CEP112: variants seen among roughly 807,000 people sequenced by gnomAD.
CEP112 encodes the protein centrosomal protein 112, also known as centrosomal protein of 112 kDa.
A neutral mutation model predicts 153.0 loss-of-function variants in CEP112; 127 were observed. The ratio of observed to expected loss-of-function variants is 0.83; its 90% CI spans 0.72 to 0.96. The LOEUF is 0.96. Ranked by LOEUF, CEP112 falls within the 40% of genes least tolerant of loss-of-function variation. The pLI is 0.00. For synonymous variants in CEP112, 358 were observed against 374.4 expected, an observed-to-expected ratio of 0.96 and a Z score of 0.51; for missense variants, 1,089 against 1,101.2, an observed-to-expected ratio of 0.99 and a Z score of 0.16.
chr17:66,071,741 A>C (rs749688792), intron 8 of CEP112, among the ~76,000 whole-genome samples: 12 of 152,176 alleles, frequency 7.9e-5, no homozygotes, highest in Non-Finnish European at 1.5e-4. Flanking sequence ...CCAAGTTCTA[A>C]AGTGCAGCAA....
At chr17:65,715,226 T>A (rs1282972932) in intron 23 of CEP112, among the ~76,000 whole-genome samples, 2 of 152,050 alleles carry the variant, frequency 1.3e-5, no homozygotes, top group African/African-American at 4.8e-5. Context: ...CAAAAGATCA[T>A]CCACGCAGAG....
chr17:65,877,250 G>A (rs1460662458), intron 20 of CEP112, among the ~76,000 whole-genome samples: 2 of 152,228 alleles, frequency 1.3e-5, no homozygotes, highest in Non-Finnish European at 2.9e-5. Flanking sequence ...AGGAAGTACA[G>A]GAAGAGGCAG....
intron 17 of CEP112, among the ~76,000 whole-genome samples, chr17:66,001,830 A>G (rs1220310972): frequency 6.6e-6 from 1 of 152,200 alleles, no homozygotes; most frequent in East Asian, 1.9e-4. Context: ...CTTTCATTAC[A>G]GTCTATTTAG....
chr17:65,866,302 C>T (rs62065115), intron 20 of CEP112, among the ~76,000 whole-genome samples: 21,528 of 152,244 alleles, frequency 0.14, 1,564 homozygotes, highest in African/African-American at 0.16. Context: ...GACACAGCAG[C>T]CCCCTGCTGC....
chr17:66,094,876 T>C (rs1035876662), intron 8 of CEP112, among the ~76,000 whole-genome samples: 5 of 151,970 alleles, frequency 3.3e-5, no homozygotes, highest in African/African-American at 1.2e-4. Context: ...GACACGCAAA[T>C]AGCCACCAGA....
chr17:66,148,105 G>A (rs759346169), intron 4 of CEP112, among the ~76,000 whole-genome samples: 43 of 152,158 alleles, frequency 2.8e-4, no homozygotes, highest in Non-Finnish European at 4.1e-4. Flanking sequence ...GGTCCACATG[G>A]CTGGGGAGGC....
rs373626185 is a variant in CEP112, at chr17:66,005,675, T to C, written c.1736+15A>G. ...AAGGGTAGTTTTAAATCAAATGCATTACAATTTTACTCACTTCAAAGCTTC... is the reference window on the plus strand; with the variant it reads ...AAGGGTAGTTTTAAATCAAATGCATCACAATTTTACTCACTTCAAAGCTTC... On this transcript the variant is annotated intron_variant, in intron 17 of 26. Coordinates refer to ENST00000535342, the MANE Select transcript of CEP112 (RefSeq NM_001199165.4). 1.9e-6 allele frequency: 3 copies of C among 1,601,228 alleles called. No individual in the cohort carries two copies. Among genetic ancestry groups the C allele is most frequent in the Non-Finnish European group, 2.6e-6 (3 of 1,176,190 alleles).
At chr17:65,796,616 T>C (rs2054926785) in intron 21 of CEP112, among the ~76,000 whole-genome samples, 4 of 152,122 alleles carry the variant, frequency 2.6e-5, no homozygotes. Context: ...ACCCTGACTC[T>C]AAAAGCAAAA....
At chr17:65,943,302 T>C (rs1379518386) in intron 18 of CEP112, among the ~76,000 whole-genome samples, 1 of 152,246 alleles carries the variant, frequency 6.6e-6, no homozygotes, top group Non-Finnish European at 1.5e-5. Context: ...GTCTTATATG[T>C]ATGTTAGTGT....
At chr17:65,935,586 T>A (rs772282975) in intron 18 of CEP112, among the ~76,000 whole-genome samples, 2 of 152,090 alleles carry the variant, frequency 1.3e-5, no homozygotes, top group African/African-American at 4.8e-5. Flanking sequence ...ATCACAATGG[T>A]ATGAAATTAA....
At chr17:66,015,785 T>A (rs1275514173) in intron 16 of CEP112, among the ~76,000 whole-genome samples, 2 of 152,254 alleles carry the variant, frequency 1.3e-5, no homozygotes, top group Non-Finnish European at 1.5e-5. Flanking sequence ...TAAAATTACA[T>A]ACACAGACCT....
intron 12 of CEP112, among the ~76,000 whole-genome samples, chr17:66,037,849 G>A (rs546519618): frequency 3.9e-5 from 6 of 152,100 alleles, no homozygotes; most frequent in Non-Finnish European, 5.9e-5. Flanking sequence ...TACTTCTCCT[G>A]AGAATTCTTC....
chr17:66,091,526 G>C (rs2068131117), intron 8 of CEP112, among the ~76,000 whole-genome samples: 1 of 151,966 alleles, frequency 6.6e-6, no homozygotes, highest in Non-Finnish European at 1.5e-5. Flanking sequence ...AAAAACTTAT[G>C]GGATACAGCA....
chr17:65,685,897 T>C (rs2047762528), intron 24 of CEP112, among the ~76,000 whole-genome samples: 1 of 152,008 alleles, frequency 6.6e-6, no homozygotes, highest in Non-Finnish European at 1.5e-5. Flanking sequence ...GGTCTCAAAC[T>C]CCTAACCTCA....
At chr17:65,776,543 T>C (rs890939449) in intron 21 of CEP112, among the ~76,000 whole-genome samples, 2 of 152,208 alleles carry the variant, frequency 1.3e-5, no homozygotes, top group African/African-American at 4.8e-5. Flanking sequence ...CTTTTTATAG[T>C]TAGTATGTGA....
intron 20 of CEP112, among the ~76,000 whole-genome samples, chr17:65,884,706 C>CTTTTTTTTTTTTTTTTTTTTTTTTT (rs11370374): frequency 5.4e-5 from 7 of 130,660 alleles, no homozygotes; most frequent in Non-Finnish European, 7.9e-5. Context: ...TTTGTAGTTT[C>CTTTTTTTTTTTTTTTTTTTTTTTTT]TTTTTTTTTT....
intron 24 of CEP112, chr17:65,644,767 G>A (rs2143437717): frequency 6.5e-6 from 1 of 153,752 alleles, no homozygotes; most frequent in East Asian, 1.9e-4. Flanking sequence ...GATCAAGTTA[G>A]CTAGGCATGG....
intron 23 of CEP112, among the ~76,000 whole-genome samples, chr17:65,697,665 G>T (rs935393082): frequency 6.6e-6 from 1 of 152,164 alleles, no homozygotes; most frequent in African/African-American, 2.4e-5. Context: ...TTTTTACTGG[G>T]TGGTCTCACG....
At chr17:66,032,352 G>A (rs1425982327) in intron 12 of CEP112, among the ~76,000 whole-genome samples, 1 of 146,542 alleles carries the variant, frequency 6.8e-6, no homozygotes, top group South Asian at 2.2e-4. Context: ...GAAACCAAGT[G>A]AAAAAAAAAA....
Sources: allele counts gnomAD v4.1 joint callset (sites outside exome capture counted in the v4.1 genomes callset), GRCh38; gene constraint gnomAD v4.1.1; transcripts MANE v1.5; gene names NCBI Gene and HGNC (gene_info 2026-07-23, HGNC 2026-07-21).